PTPN12: variants seen among roughly 807,000 people sequenced by gnomAD.
PTPN12 encodes tyrosine-protein phosphatase non-receptor type 12.
In PTPN12, 29 loss-of-function variants were observed where a neutral mutation model predicts 97.6. The ratio of observed to expected loss-of-function variants is 0.30; its 90% confidence interval spans 0.22 to 0.41. The LOEUF (loss-of-function observed/expected upper bound fraction) is 0.41. Ranked by LOEUF, PTPN12 falls within the 10% of genes least tolerant of loss-of-function variation. The pLI is 1.00. For synonymous variants in PTPN12, 327 were observed against 300.4 expected (o/e 1.09, Z -0.91); for missense variants, 819 against 926.0 (o/e 0.88, Z 1.50).
chr7:77,592,278 C>G (rs1355033904), intron 6 of PTPN12, 22 bp downstream of exon 6: 12 of 1,577,540 alleles, frequency 7.6e-6, no homozygotes, highest in Non-Finnish European at 1.0e-5. Flanking sequence ...TTTTTGTAAA[C>G]ACTTTTTTCA....
chr7:77,547,530 G>C (rs1807280799), intron 1 of PTPN12, among the ~76,000 whole-genome samples: 1 of 152,192 alleles, frequency 6.6e-6, no homozygotes, highest in Non-Finnish European at 1.5e-5. Context: ...TGGCCCTGCT[G>C]TGATTCTGAG....
intron 1 of PTPN12, among the ~76,000 whole-genome samples, chr7:77,563,481 G>T (rs534708033): frequency 2.3e-4 from 35 of 152,086 alleles, no homozygotes; most frequent in African/African-American, 8.0e-4. Context: ...AGTGGATGAT[G>T]GGCCTGTATG....
intron 12 of PTPN12, among the ~76,000 whole-genome samples, chr7:77,620,001 A>G (rs1319325815): frequency 6.6e-6 from 1 of 152,240 alleles, no homozygotes; most frequent in Non-Finnish European, 1.5e-5. Context: ...GTTGAAACCT[A>G]TAAAATATTA....
At chr7:77,609,313 C>T (rs1189695209) in intron 9 of PTPN12, among the ~76,000 whole-genome samples, 1 of 143,498 alleles carries the variant, frequency 7.0e-6, no homozygotes, top group Non-Finnish European at 1.5e-5. Flanking sequence ...ACTCTGTTGC[C>T]TAGGCTGGAG....
intron 2 of PTPN12, among the ~76,000 whole-genome samples, chr7:77,573,427 C>T (rs1787228427): frequency 6.6e-6 from 1 of 152,176 alleles, no homozygotes; most frequent in Non-Finnish European, 1.5e-5. Context: ...AAGGGGCAAA[C>T]AAGCTCTCTC....
chr7:77,589,907 C>T (rs1009225892), intron 5 of PTPN12, among the ~76,000 whole-genome samples: 3 of 152,202 alleles, frequency 2.0e-5, no homozygotes, highest in African/African-American at 7.2e-5. Flanking sequence ...AATCAAGTAG[C>T]ATTGAGTACA....
intron 3 of PTPN12, among the ~76,000 whole-genome samples, chr7:77,582,118 G>T (rs1282805350): frequency 1.5e-5 from 1 of 67,708 alleles, no homozygotes; most frequent in Non-Finnish European, 3.0e-5. Context: ...TTTTTGAGAC[G>T]GAGTCTCGCT....
intron 1 of PTPN12, among the ~76,000 whole-genome samples, chr7:77,563,062 T>G (rs1185786876): frequency 6.6e-6 from 1 of 152,126 alleles, no homozygotes; most frequent in Non-Finnish European, 1.5e-5. Flanking sequence ...AGTACAAGGT[T>G]TTATTTAAAA....
chr7:77,539,473 ATTGTC>A (rs2151291532), intron 1 of PTPN12, among the ~76,000 whole-genome samples: 1 of 152,208 alleles, frequency 6.6e-6, no homozygotes, highest in Admixed American at 6.5e-5. Context: ...GAGAGTTTTT[ATTGTC>A]TTGGTATCTT....
chr7:77,604,601 C>CTGCCTGTTTGCAATACATAAGT (rs1322399778), intron 8 of PTPN12, among the ~76,000 whole-genome samples: 1 of 152,076 alleles, frequency 6.6e-6, no homozygotes, highest in Non-Finnish European at 1.5e-5. Context: ...TTCCTGTCTT[C>CTGCCTGTTTGCAATACATAAGT]TGCCTGTTTG....
At chr7:77,543,050 G>A (rs542370792) in intron 1 of PTPN12, among the ~76,000 whole-genome samples, 1 of 152,300 alleles carries the variant, frequency 6.6e-6, no homozygotes, top group Non-Finnish European at 1.5e-5. Context: ...AAGGAGGAGG[G>A]AGGAGAACCA....
In PTPN12 at chr7:77,632,384, C is replaced by G; in HGVS notation, c.2033C>G (p.Pro678Arg). 6.2e-7 allele frequency: 1 copy of G among 1,611,488 alleles called. No individual in the cohort carries two copies. The highest frequency in any genetic ancestry group is 1.7e-5 in the Admixed American group (1 of 60,010). Residue 678 changes from proline (P) to arginine (R), a missense_variant, in exon 14 of 18, where the codon CCT becomes CGT. Physicochemically the swap from Pro to Arg is moderately radical, Grantham distance 103 (BLOSUM62 -2). This residue lies in a region of PTPN12 where 607 missense variants were observed against 577.3 expected (regional missense o/e 1.05). Coordinates refer to ENST00000248594, the MANE Select transcript of PTPN12 (RefSeq NM_002835.4). Reference protein sequence around the residue: ...DVSEDSPPPLPERTPESFVLA... With the variant: ...DVSEDSPPPLRERTPESFVLA... ...AGTGAAGATTCACCTCCTCCCCTAC[C>G]TGAAAGAACTCCTGAATCGTTTGTG... is the stretch of plus-strand genomic sequence containing the variant.
intron 5 of PTPN12, among the ~76,000 whole-genome samples, chr7:77,585,825 A>G (rs1051055184): frequency 2.0e-5 from 3 of 152,170 alleles, no homozygotes; most frequent in African/African-American, 7.2e-5. Flanking sequence ...TCAGTTCCAG[A>G]CCACCACAAT....
intron 1 of PTPN12, among the ~76,000 whole-genome samples, chr7:77,570,857 G>GT (rs1483230116): frequency 6.6e-6 from 1 of 152,106 alleles, no homozygotes. Context: ...CTTTTATTCT[G>GT]TTTTCCCTCT....
chr7:77,550,248 C>G (rs567444928), intron 1 of PTPN12, among the ~76,000 whole-genome samples: 1 of 151,992 alleles, frequency 6.6e-6, no homozygotes, highest in Non-Finnish European at 1.5e-5. Flanking sequence ...CTGGAAGGTA[C>G]TTTGTAGTTT....
intron 1 of PTPN12, among the ~76,000 whole-genome samples, chr7:77,557,740 G>A (rs1222553363): frequency 6.6e-6 from 1 of 152,082 alleles, no homozygotes; most frequent in Non-Finnish European, 1.5e-5. Flanking sequence ...CATTTCAGTA[G>A]AAACATGGGC....
intron 8 of PTPN12, 96 bp from the exon 9 acceptor site, chr7:77,607,139 G>T (rs769615219): frequency 1.0e-6 from 1 of 995,924 alleles, no homozygotes; most frequent in Non-Finnish European, 1.5e-6. Context: ...CTTCTTAAAT[G>T]ATTTTTTGTT....
At chr7:77,628,812 A>G (rs1031429846) in intron 13 of PTPN12, among the ~76,000 whole-genome samples, 1 of 152,120 alleles carries the variant, frequency 6.6e-6, no homozygotes, top group Non-Finnish European at 1.5e-5. Context: ...TGCTGGGATT[A>G]CAGACGTGAG....
intron 8 of PTPN12, among the ~76,000 whole-genome samples, chr7:77,601,197 A>T (rs935662622): frequency 3.3e-5 from 5 of 152,104 alleles, no homozygotes; most frequent in Non-Finnish European, 5.9e-5. Flanking sequence ...AAACACTGAC[A>T]TGAGATTTTT....
Sources: allele counts gnomAD v4.1 joint callset (sites outside exome capture counted in the v4.1 genomes callset), GRCh38; gene constraint gnomAD v4.1.1; regional missense constraint gnomAD v4.1.1; transcripts MANE v1.5; gene names NCBI Gene and HGNC (gene_info 2026-07-23, HGNC 2026-07-21).